CC2D2A: variants seen among roughly 807,000 people sequenced by gnomAD.
CC2D2A encodes coiled-coil and C2 domain-containing protein 2A.
A neutral mutation model predicts 212.9 loss-of-function variants in CC2D2A; 155 were observed. The observed-to-expected ratio is 0.73, with a 90% CI of 0.64 to 0.83. The LOEUF is 0.83. CC2D2A is among the 40% of genes least tolerant of loss of function. The pLI, the probability that CC2D2A is intolerant of heterozygous loss-of-function variation, is 0.00. For missense variants in CC2D2A, 1,856 were observed against 1,956.2 expected (o/e 0.95, Z 0.97); for synonymous variants, 667 against 686.5 (o/e 0.97, Z 0.44).
chr4:15,526,838 C>T (rs1717536037), intron 11 of CC2D2A, among the ~76,000 whole-genome samples: 1 of 152,098 alleles, frequency 6.6e-6, no homozygotes, highest in South Asian at 2.1e-4. Flanking sequence ...CCAAACGATC[C>T]AAGACATTCC....
chr4:15,536,775 T>C (rs1718155134), intron 14 of CC2D2A, 145 bp from the exon 15 acceptor site: 4 of 693,098 alleles, frequency 5.8e-6, no homozygotes, highest in Non-Finnish European at 9.6e-6. Flanking sequence ...TAATAGCATC[T>C]GCCTCACAGG....
intron 30 of CC2D2A, among the ~76,000 whole-genome samples, chr4:15,580,900 A>G (rs1032419748): frequency 6.6e-6 from 1 of 152,200 alleles, no homozygotes; most frequent in Non-Finnish European, 1.5e-5. Context: ...AGCAAAATTT[A>G]TTTCAAATAT....
At chr4:15,565,522 A>G (rs1026070309) in intron 24 of CC2D2A, among the ~76,000 whole-genome samples, 1 of 151,970 alleles carries the variant, frequency 6.6e-6, no homozygotes, top group Non-Finnish European at 1.5e-5. Flanking sequence ...TCTAGTCTGC[A>G]GTGAAGTGTT....
chr4:15,601,109 C>A, intron 36 of CC2D2A, 128 bp from the exon 37 acceptor site: 1 of 766,294 alleles, frequency 1.3e-6, no homozygotes, highest in Non-Finnish European at 2.1e-6. Flanking sequence ...TAATAAAAAG[C>A]TGAGTAGAAA....
intron 6 of CC2D2A, among the ~76,000 whole-genome samples, chr4:15,508,287 C>T (rs1211152467): frequency 1.3e-5 from 2 of 152,158 alleles, no homozygotes; most frequent in Admixed American, 6.6e-5. Context: ...CTTTATTCTT[C>T]CCAGTCCCCA....
At chr4:15,570,310 C>T (rs929690202) in intron 27 of CC2D2A, 88 bp from the exon 28 acceptor site, 2 of 754,454 alleles carry the variant, frequency 2.7e-6, no homozygotes, top group Non-Finnish European at 4.4e-6. Context: ...ATGCTTTCAG[C>T]TAAAATCTTG....
intron 33 of CC2D2A, chr4:15,595,786 A>C (rs1444652279): frequency 5.3e-6 from 1 of 188,180 alleles, no homozygotes; most frequent in Non-Finnish European, 1.1e-5. Context: ...CTAAGAAAGA[A>C]GTGGCCTTGG....
At chr4:15,534,298 T>A (rs1189810673) in intron 14 of CC2D2A, among the ~76,000 whole-genome samples, 1 of 152,226 alleles carries the variant, frequency 6.6e-6, no homozygotes, top group Non-Finnish European at 1.5e-5. Flanking sequence ...TTTTGTTGCT[T>A]TTTGATGGAT....
At chr4:15,597,982 C>T (rs1721393966) in intron 35 of CC2D2A, among the ~76,000 whole-genome samples, 1 of 152,140 alleles carries the variant, frequency 6.6e-6, no homozygotes, top group South Asian at 2.1e-4. Context: ...CCCAGCCCAA[C>T]CTTTCTGATT....
intron 26 of CC2D2A, among the ~76,000 whole-genome samples, chr4:15,568,008 A>G (rs1448136880): frequency 6.6e-6 from 1 of 152,160 alleles, no homozygotes; most frequent in Non-Finnish European, 1.5e-5. Flanking sequence ...CCCCAGATTC[A>G]TTGTTGGGAC....
intron 34 of CC2D2A, among the ~76,000 whole-genome samples, 162 bp downstream of exon 34, chr4:15,596,369 T>G (rs571180921): frequency 1.3e-5 from 2 of 152,220 alleles, no homozygotes; most frequent in African/African-American, 2.4e-5. Context: ...TACGTTTACA[T>G]ATATGTGAAA....
At position 15,514,719 on chromosome 4, in the gene CC2D2A, C is replaced by T. The variant is rs771319013; in HGVS notation, c.730C>T (p.Leu244=). 1.3e-6 allele frequency: 2 copies of T among 1,545,262 alleles called. No homozygotes were observed. Among genetic ancestry groups the T allele is most frequent in the South Asian group, 2.5e-5 (2 of 80,056 alleles). Residue 244 remains leucine, a synonymous_variant, in exon 9 of 37, where the codon CTG becomes TTG. Coordinates refer to ENST00000424120, the MANE Select transcript of CC2D2A (RefSeq NM_001378615.1). ...TAACATTATGCAGGATGAGGAAGAA[C>T]TGCTTAATGGTGATGATGCCGAGGA... ...GGGKEMDEEE[L]LNGDDAEDFL...
At chr4:15,479,396 T>C in intron 3 of CC2D2A, 1 of 1,244,618 alleles carries the variant, frequency 8.0e-7, no homozygotes, top group Admixed American at 2.0e-5. Flanking sequence ...GGATGGGAGC[T>C]CTGCTTGGAA....
intron 31 of CC2D2A, among the ~76,000 whole-genome samples, chr4:15,587,332 G>C (rs559978447): frequency 1.3e-5 from 2 of 152,330 alleles, no homozygotes; most frequent in African/African-American, 4.8e-5. Flanking sequence ...ACAGGCCACA[G>C]ACTGGCACTA....
intron 4 of CC2D2A, among the ~76,000 whole-genome samples, chr4:15,483,042 A>G (rs1384267884): frequency 1.3e-5 from 2 of 152,210 alleles, no homozygotes; most frequent in East Asian, 3.8e-4. Flanking sequence ...GCACTGATAA[A>G]CCAAGACGAA....
chr4:15,501,156 C>A (rs915790113), intron 4 of CC2D2A, among the ~76,000 whole-genome samples: 2 of 152,142 alleles, frequency 1.3e-5, no homozygotes, highest in African/African-American at 4.8e-5. Flanking sequence ...CTGGGCTGTA[C>A]CTCCAGGTTT....
At chr4:15,484,877 G>T (rs1423778877) in intron 4 of CC2D2A, among the ~76,000 whole-genome samples, 5 of 152,108 alleles carry the variant, frequency 3.3e-5, no homozygotes, top group African/African-American at 1.2e-4. Context: ...GTGGAGAGTG[G>T]ACAGGGATTC....
intron 29 of CC2D2A, among the ~76,000 whole-genome samples, chr4:15,574,751 G>T (rs1720323330): frequency 6.6e-6 from 1 of 152,172 alleles, no homozygotes; most frequent in African/African-American, 2.4e-5. Flanking sequence ...GGTATGCATT[G>T]AATCAATTCA....
Position 15,563,533 on chromosome 4 carries a change from T to A in CC2D2A, c.3182+11T>A. The A allele has an allele frequency of 6.2e-7, 1 of 1,609,978 alleles. No homozygotes were observed. The stretch of plus-strand genomic sequence containing the variant: ...GAAGCCGGCAGTGAGGTGAGAGCCC[T>A]CCCAACAGCCCGAGATGCAGTGTGC... On this transcript the variant is annotated intron_variant, in intron 24 of 36. Transcript: ENST00000424120.
Sources: gnomAD v4.1 joint callset for allele counts (sites outside exome capture counted in the v4.1 genomes callset) on GRCh38, gnomAD v4.1.1 for gene constraint, MANE v1.5 for transcripts, NCBI Gene and HGNC (gene_info 2026-07-23, HGNC 2026-07-21) for gene names.